Variants in ROBO2 observed in about 807,000 individuals in gnomAD.
The protein encoded by ROBO2 is roundabout guidance receptor 2.
ROBO2 carries 53 observed loss-of-function variants against 160.8 expected under a neutral mutation model. The observed-to-expected ratio is 0.33, with a 90% CI of 0.26 to 0.41. The LOEUF is 0.41. ROBO2 is among the 10% of genes least tolerant of loss of function. The pLI is 1.00. For missense variants in ROBO2, 1,577 were observed against 1,722.4 expected, an observed-to-expected ratio of 0.92 and a Z score of 1.49; for synonymous variants, 664 against 611.7, an observed-to-expected ratio of 1.09 and a Z score of -1.26.
chr3:76,820,495 C>CA (rs1228655216), intron 2 of ROBO2, among the ~76,000 whole-genome samples: 36 of 151,972 alleles, frequency 2.4e-4, no homozygotes, highest in African/African-American at 7.2e-4. Flanking sequence ...AATTTATAGC[C>CA]ATCCTGGTAG....
chr3:76,487,137 T>C (rs955103215), intron 2 of ROBO2, among the ~76,000 whole-genome samples: 7 of 144,476 alleles, frequency 4.8e-5, no homozygotes, highest in African/African-American at 1.0e-4. Context: ...ACCTGGCTAA[T>C]TTTTTAATTT....
intron 2 of ROBO2, among the ~76,000 whole-genome samples, chr3:76,034,328 C>G (rs1465252080): frequency 2.0e-5 from 3 of 152,112 alleles, no homozygotes; most frequent in African/African-American, 7.2e-5. Context: ...TTGATATAAT[C>G]TCCTTCTCCT....
At chr3:76,267,084 T>A (rs1707144453) in intron 2 of ROBO2, among the ~76,000 whole-genome samples, 1 of 152,186 alleles carries the variant, frequency 6.6e-6, no homozygotes. Flanking sequence ...GTATTTCAGA[T>A]GATGTAGAAA....
At chr3:77,083,936 G>T (rs1267380478) in intron 1 of ROBO2, among the ~76,000 whole-genome samples, 1 of 152,042 alleles carries the variant, frequency 6.6e-6, no homozygotes, top group Non-Finnish European at 1.5e-5. Context: ...TTTGGCTGTT[G>T]TTGTCATAGA....
chr3:77,386,603 A>ATTTTCTTTTTTT (rs2074126330), intron 2 of ROBO2, among the ~76,000 whole-genome samples: 3 of 91,894 alleles, frequency 3.3e-5, no homozygotes, highest in Non-Finnish European at 6.4e-5. Context: ...CAGCCAGGTA[A>ATTTTCTTTTTTT]TTTTTTTTTT....
At chr3:76,991,588 G>A (rs983454194) in intron 2 of ROBO2, among the ~76,000 whole-genome samples, 1 of 152,074 alleles carries the variant, frequency 6.6e-6, no homozygotes, top group Non-Finnish European at 1.5e-5. Flanking sequence ...AAGTTTTGAG[G>A]ACTTTCATTA....
intron 2 of ROBO2, among the ~76,000 whole-genome samples, chr3:77,330,684 C>G (rs2153441468): frequency 6.6e-6 from 1 of 152,196 alleles, no homozygotes; most frequent in East Asian, 1.9e-4. Context: ...TTGGAGTGGA[C>G]AACTCAAGAA....
At chr3:76,856,101 G>A (rs1475544000) in intron 2 of ROBO2, among the ~76,000 whole-genome samples, 2 of 152,058 alleles carry the variant, frequency 1.3e-5, no homozygotes, top group African/African-American at 4.8e-5. Context: ...AAGCTTGATG[G>A]GATATATTTT....
At chr3:76,827,575 C>T (rs1266447271) in intron 2 of ROBO2, among the ~76,000 whole-genome samples, 1 of 152,100 alleles carries the variant, frequency 6.6e-6, no homozygotes, top group Non-Finnish European at 1.5e-5. Flanking sequence ...GACAACATTA[C>T]AGGGTTCAAG....
At chr3:76,641,586 A>G (rs1273711125) in intron 2 of ROBO2, among the ~76,000 whole-genome samples, 1 of 152,214 alleles carries the variant, frequency 6.6e-6, no homozygotes, top group East Asian at 1.9e-4. Context: ...TCCTGAATTC[A>G]TTCCTGGAAT....
chr3:77,029,467 A>G (rs561629747), intron 2 of ROBO2, among the ~76,000 whole-genome samples: 25 of 152,220 alleles, frequency 1.6e-4, no homozygotes, highest in Non-Finnish European at 2.9e-4. Flanking sequence ...CCTCTCTAAG[A>G]TGACGTTAAA....
chr3:76,241,685 T>C (rs931806172), intron 2 of ROBO2, among the ~76,000 whole-genome samples: 1 of 152,210 alleles, frequency 6.6e-6, no homozygotes, highest in African/African-American at 2.4e-5. Flanking sequence ...TGGTGTGTGA[T>C]ATAAAAGCTC....
chr3:77,347,598 C>T (rs1238887322), intron 2 of ROBO2, among the ~76,000 whole-genome samples: 3 of 151,860 alleles, frequency 2.0e-5, no homozygotes, highest in African/African-American at 7.3e-5. Context: ...CTCCTTTTCC[C>T]CCAAATATTC....
rs117649867 is a variant in ROBO2, at chr3:77,537,800, C to A, written c.935-8538C>A. ...ATCTTAAATGGTGGTGGCAAGAGAG[C>A]CCTTTGTGGGGGAACTCTCCTTTAT... On this transcript the variant is annotated intron_variant, in intron 6 of 25. Transcript: ENST00000461745. 2.1e-3 allele frequency among the ~76,000 whole-genome samples: 312 copies of A among 152,110 alleles called. 5 individuals are homozygous for A. In the East Asian group the frequency reaches 0.05, roughly 24 times the overall value.
At chr3:77,275,343 A>G (rs992959729) in intron 2 of ROBO2, among the ~76,000 whole-genome samples, 3 of 152,162 alleles carry the variant, frequency 2.0e-5, no homozygotes, top group African/African-American at 7.2e-5. Context: ...AAACGTTTTT[A>G]GGTAGAACTT....
chr3:76,639,999 G>A (rs1488643961), intron 2 of ROBO2, among the ~76,000 whole-genome samples: 4 of 152,106 alleles, frequency 2.6e-5, no homozygotes, highest in South Asian at 2.1e-4. Flanking sequence ...TATTTTTACG[G>A]GGTTATGATT....
At chr3:76,312,572 G>A (rs1002840383) in intron 2 of ROBO2, among the ~76,000 whole-genome samples, 1 of 152,174 alleles carries the variant, frequency 6.6e-6, no homozygotes, top group African/African-American at 2.4e-5. Flanking sequence ...TTCAGGCCTT[G>A]TAAATTATAC....
At chr3:75,944,709 A>C (rs1576246791) in intron 2 of ROBO2, among the ~76,000 whole-genome samples, 1 of 152,174 alleles carries the variant, frequency 6.6e-6, no homozygotes, top group Non-Finnish European at 1.5e-5. Context: ...TCTACTTATC[A>C]ACTTTAGCAT....
chr3:77,487,988 T>G (rs1582390089), intron 4 of ROBO2, among the ~76,000 whole-genome samples: 1 of 152,316 alleles, frequency 6.6e-6, no homozygotes, highest in East Asian at 1.9e-4. Flanking sequence ...ACTAAGTAAC[T>G]TAAGAGATAC....
Sources: allele counts gnomAD v4.1 joint callset (sites outside exome capture counted in the v4.1 genomes callset), GRCh38; gene constraint gnomAD v4.1.1; transcripts MANE v1.5; gene names NCBI Gene and HGNC (gene_info 2026-07-23, HGNC 2026-07-21).